The following MAP2 variants were observed in gnomAD, a reference collection of about 807,000 sequenced individuals.
The protein encoded by MAP2 is microtubule associated protein 2, also known as microtubule-associated protein 2.
A neutral mutation model predicts 137.6 loss-of-function variants in MAP2; 14 were observed. That is an observed-to-expected ratio of 0.10 (90% CI 0.07 to 0.16). The LOEUF is 0.16. MAP2 is among the 10% of genes least tolerant of loss of function. The pLI, the probability that MAP2 is intolerant of heterozygous loss-of-function variation, is 1.00. For missense variants in MAP2, 2,088 were observed against 2,191.5 expected, an observed-to-expected ratio of 0.95 and a Z score of 0.94; for synonymous variants, 786 against 782.3, an observed-to-expected ratio of 1.00 and a Z score of -0.08.
At chr2:209,572,145 T>A (rs16843162) in intron 2 of MAP2, among the ~76,000 whole-genome samples, 2,997 of 152,114 alleles carry the variant, frequency 0.02, 95 homozygotes, top group African/African-American at 0.068. Context: ...CTAAACTCTG[T>A]TCATCATAAC....
intron 7 of MAP2, among the ~76,000 whole-genome samples, chr2:209,683,680 G>C (rs2055781624): frequency 1.3e-5 from 2 of 152,170 alleles, no homozygotes; most frequent in African/African-American, 2.4e-5. Flanking sequence ...AGCAGGTCAG[G>C]TGGAAAGGGA....
intron 1 of MAP2, among the ~76,000 whole-genome samples, chr2:209,433,779 G>C (rs1421995920): frequency 6.6e-6 from 1 of 150,874 alleles, no homozygotes; most frequent in African/African-American, 2.4e-5. Context: ...TTTTTTTTTG[G>C]CTGTTGGTGA....
chr2:209,506,798 C>T (rs941544864), intron 1 of MAP2, among the ~76,000 whole-genome samples: 3 of 152,124 alleles, frequency 2.0e-5, no homozygotes, highest in African/African-American at 7.2e-5. Flanking sequence ...GACTGATTGT[C>T]GACCCAGGAC....
At chr2:209,725,531 A>T (rs1186117286) in intron 13 of MAP2, among the ~76,000 whole-genome samples, 178 bp from the exon 14 acceptor site, 5 of 152,168 alleles carry the variant, frequency 3.3e-5, no homozygotes, top group African/African-American at 1.2e-4. Context: ...CAATCCAAAC[A>T]TGTGGGAGAA....
At chr2:209,674,970 C>T (rs983565688) in intron 5 of MAP2, among the ~76,000 whole-genome samples, 2 of 151,732 alleles carry the variant, frequency 1.3e-5, no homozygotes, top group Admixed American at 6.6e-5. Flanking sequence ...TGATGACAGC[C>T]CTTACTTAGA....
intron 1 of MAP2, among the ~76,000 whole-genome samples, chr2:209,465,334 G>T (rs1332101339): frequency 6.6e-6 from 1 of 152,046 alleles, no homozygotes; most frequent in Non-Finnish European, 1.5e-5. Context: ...TAAAAAATGT[G>T]CATTAGTAAT....
intron 1 of MAP2, among the ~76,000 whole-genome samples, chr2:209,433,826 CT>C (rs1694984400): frequency 6.6e-6 from 1 of 151,716 alleles, no homozygotes; most frequent in Non-Finnish European, 1.5e-5. Context: ...CTTGTAGTCT[CT>C]TTGTACCCCA....
intron 1 of MAP2, among the ~76,000 whole-genome samples, chr2:209,470,918 C>T (rs1705532361): frequency 6.6e-6 from 1 of 152,194 alleles, no homozygotes; most frequent in South Asian, 2.1e-4. Context: ...CCCATATCTC[C>T]TGAACATGCC....
intron 2 of MAP2, among the ~76,000 whole-genome samples, chr2:209,536,207 C>T (rs2065921383): frequency 6.6e-6 from 1 of 152,072 alleles, no homozygotes; most frequent in Non-Finnish European, 1.5e-5. Flanking sequence ...TAGGTGTTTT[C>T]AAGTATATTT....
At chr2:209,662,044 A>G (rs115722069) in intron 5 of MAP2, among the ~76,000 whole-genome samples, 3,217 of 152,242 alleles carry the variant, frequency 0.021, 107 homozygotes, top group African/African-American at 0.071. Context: ...TTAAGACGGT[A>G]ATTCTTAATC....
intron 2 of MAP2, among the ~76,000 whole-genome samples, chr2:209,515,071 G>A (rs569336658): frequency 1.4e-4 from 21 of 152,206 alleles, no homozygotes; most frequent in African/African-American, 5.1e-4. Context: ...ACATGGATTA[G>A]GTTTCATTCC....
intron 2 of MAP2, among the ~76,000 whole-genome samples, chr2:209,565,345 G>T (rs1322523714): frequency 1.3e-5 from 2 of 151,980 alleles, no homozygotes; most frequent in Admixed American, 1.3e-4. Context: ...AGCCTCTCTA[G>T]TAGCTGGGAC....
chr2:209,545,846 A>C (rs1386371444), intron 2 of MAP2, among the ~76,000 whole-genome samples: 1 of 152,238 alleles, frequency 6.6e-6, no homozygotes, highest in African/African-American at 2.4e-5. Flanking sequence ...AAATTTAAGA[A>C]ATGCAACTTT....
chr2:209,685,220 GTAAATTATCT>G (rs2056557648), intron 7 of MAP2, among the ~76,000 whole-genome samples: 1 of 152,042 alleles, frequency 6.6e-6, no homozygotes, highest in South Asian at 2.1e-4. Context: ...GACTATGGAA[GTAAATTATCT>G]TCAAATGAGA....
At chr2:209,450,416 T>C (rs901863620) in intron 1 of MAP2, among the ~76,000 whole-genome samples, 4 of 152,234 alleles carry the variant, frequency 2.6e-5, no homozygotes, top group African/African-American at 7.2e-5. Flanking sequence ...TTTTGACTTA[T>C]AGGCCAAGTG....
At chr2:209,666,685 A>G (rs1483670124) in intron 5 of MAP2, among the ~76,000 whole-genome samples, 2 of 152,028 alleles carry the variant, frequency 1.3e-5, no homozygotes, top group African/African-American at 4.8e-5. Context: ...GTGAACTTAA[A>G]TTACTCTAGC....
intron 1 of MAP2, among the ~76,000 whole-genome samples, chr2:209,496,388 T>C (rs896265735): frequency 2.0e-5 from 3 of 152,174 alleles, no homozygotes; most frequent in Non-Finnish European, 4.4e-5. Context: ...TGTGATTAAA[T>C]ATACAATAAT....
intron 4 of MAP2, among the ~76,000 whole-genome samples, chr2:209,631,034 A>G (rs113025830): frequency 1.6e-3 from 166 of 100,686 alleles, no homozygotes; most frequent in African/African-American, 3.6e-3. Flanking sequence ...AAAAAAAAAA[A>G]AGAGAGAGAG....
At chr2:209,558,467 G>A (rs1358730243) in intron 2 of MAP2, among the ~76,000 whole-genome samples, 2 of 152,046 alleles carry the variant, frequency 1.3e-5, no homozygotes, top group African/African-American at 2.4e-5. Flanking sequence ...GGGATTACAG[G>A]TGTGAGCCAC....
Sources: gnomAD v4.1 joint callset for allele counts (sites outside exome capture counted in the v4.1 genomes callset) on GRCh38, gnomAD v4.1.1 for gene constraint, MANE v1.5 for transcripts, NCBI Gene and HGNC (gene_info 2026-07-23, HGNC 2026-07-21) for gene names.